The following SSB variants were observed in gnomAD, a reference collection of about 807,000 sequenced individuals.
SSB encodes lupus La protein.
A neutral mutation model predicts 52.9 loss-of-function variants in SSB; 17 were observed. The ratio of observed to expected loss-of-function variants is 0.32; its 90% confidence interval spans 0.22 to 0.48. The LOEUF (loss-of-function observed/expected upper bound fraction) is 0.48, where lower values mean the gene tolerates loss of function less well. Ranked by LOEUF, SSB falls within the 20% of genes least tolerant of loss-of-function variation. The pLI is 0.99. For synonymous variants in SSB, 111 were observed against 152.1 expected (o/e 0.73, Z 1.99); for missense variants, 314 against 463.6 (o/e 0.68, Z 2.96).
chr2:169,808,392 A>T, intron 6 of SSB, 90 bp from the exon 7 acceptor site: 1 of 997,354 alleles, frequency 1.0e-6, no homozygotes, highest in Non-Finnish European at 1.5e-6. Flanking sequence ...TGCAACATTC[A>T]TTGCTGTGCC....
rs1689813879 is a variant in SSB at position 169,805,661 on chromosome 2, T to G, written c.171-4T>G. 6.2e-7 allele frequency: 1 copy of G among 1,613,692 alleles called. No individual in the cohort carries two copies. Among genetic ancestry groups the G allele is most frequent in the South Asian group, 1.1e-5 (1 of 91,026 alleles). On this transcript the variant is annotated splice_polypyrimidine_tract_variant and splice_region_variant and intron_variant, in intron 3 of 11. Coordinates refer to ENST00000260956, the MANE Select transcript of SSB (RefSeq NM_003142.5). The stretch of plus-strand genomic sequence containing the variant: ...AGTCTTATGTTTTTATATGTACTCT[T>G]CAGGTTGAACCGTCTAACAACAGAC...
At position 169,808,554 on chromosome 2, in the gene SSB, G is replaced by A. The variant is rs896399930; in HGVS notation, c.626+1G>A. ...TGGAAGCTAAATTAAGAGCTAAACA[G>A]TAAGTATGTTGAACTAATCACGACA... is the stretch of plus-strand genomic sequence containing the variant. On this transcript the variant is annotated splice_donor_variant, in intron 7 of 11. Coordinates refer to ENST00000260956, the MANE Select transcript of SSB (RefSeq NM_003142.5). LOFTEE classifies it high-confidence loss of function. The A allele has an allele frequency of 1.2e-6, 2 of 1,605,076 alleles. No individual in the cohort carries two copies. Among genetic ancestry groups the A allele is most frequent in the South Asian group, 1.1e-5 (1 of 90,732 alleles).
intron 8 of SSB, among the ~76,000 whole-genome samples, chr2:169,809,693 A>G (rs1302283184): frequency 2.0e-5 from 3 of 151,850 alleles, no homozygotes; most frequent in Non-Finnish European, 4.4e-5. Flanking sequence ...GCTCACTGCA[A>G]GCTCCACCTC....
In SSB at chr2:169,805,813, G is replaced by T. The variant is rs1400085380; in HGVS notation, c.319G>T (p.Asp107Tyr). ...TGAAGTGACTGATGAGTATAAAAAT[G>T]ATGTAAAAAACAGATCTGTTTATAT... ...LPEVTDEYKN[D>Y]VKNRSVYIKG... is the part of the protein sequence containing the mutation. The change falls in exon 4 of 12, where the codon GAT (aspartate) becomes TAT (tyrosine). Residue 107 changes from aspartate to tyrosine, a missense_variant. Coordinates refer to ENST00000260956, the MANE Select transcript of SSB (RefSeq NM_003142.5). 1 of 1,613,216 alleles carries T rather than the reference G, an allele frequency of 6.2e-7. No homozygotes were observed. The highest frequency in any genetic ancestry group is 8.5e-7 in the Non-Finnish European group (1 of 1,179,788).
At position 169,801,035 on chromosome 2, in the gene SSB, C is replaced by T. The variant is rs766691606; in HGVS notation, c.66+9C>T. ...TCTGTCATCAAATTGAGGTATGATT[C>T]CTGTGCTATAAACTGCAAAAACAAG... On this transcript the variant is annotated intron_variant, in intron 2 of 11. Transcript: ENST00000260956. 7.6e-6 allele frequency: 12 copies of T among 1,585,256 alleles called. No individual in the cohort carries two copies. The South Asian group carries it at 9.3e-5, about 12-fold the overall frequency.
chr2:169,799,807 G>T (rs890771378), intron 1 of SSB, among the ~76,000 whole-genome samples: 1 of 152,160 alleles, frequency 6.6e-6, no homozygotes, highest in Non-Finnish European at 1.5e-5. Context: ...TGTGTCAGGG[G>T]ATGCTTCCAG....
chr2:169,810,739 C>T (rs1689932988), intron 9 of SSB, 119 bp from the exon 10 acceptor site: 1 of 991,766 alleles, frequency 1.0e-6, no homozygotes, highest in Non-Finnish European at 1.5e-6. Flanking sequence ...CAGTAAAATT[C>T]ATTCAAACTG....
At chr2:169,805,221 T>A (rs1689805250) in intron 2 of SSB, among the ~76,000 whole-genome samples, 1 of 152,244 alleles carries the variant, frequency 6.6e-6, no homozygotes, top group Non-Finnish European at 1.5e-5. Context: ...CAAGAGCCTT[T>A]TCATATAATC....
chr2:169,801,516 T>G (rs1287004805), intron 2 of SSB, among the ~76,000 whole-genome samples: 4 of 140,444 alleles, frequency 2.8e-5, no homozygotes, highest in African/African-American at 1.1e-4. Context: ...ATAGTTTTTT[T>G]TTTTTTTTTT....
In SSB at chr2:169,808,909, A is replaced by G; in HGVS notation, c.669+7A>G. The G allele has an allele frequency of 6.3e-7, 1 of 1,596,708 alleles. No individual in the cohort carries two copies. Among genetic ancestry groups the G allele is most frequent in the Non-Finnish European group, 8.6e-7 (1 of 1,164,568 alleles). ...AGAAGAAGATGCTGAAATGGTAAGT[A>G]TATATTACTGCTATCTAGTACATCT... On this transcript the variant is annotated splice_region_variant and intron_variant, in intron 8 of 11. Coordinates refer to ENST00000260956, the MANE Select transcript of SSB (RefSeq NM_003142.5).
intron 6 of SSB, among the ~76,000 whole-genome samples, chr2:169,808,247 T>G (rs888108682): frequency 6.6e-6 from 1 of 152,214 alleles, no homozygotes; most frequent in Non-Finnish European, 1.5e-5. Flanking sequence ...ACATTCAAGG[T>G]ACACTTTAAA....
chr2:169,804,462 G>A (rs1689781737), intron 2 of SSB, among the ~76,000 whole-genome samples: 1 of 150,964 alleles, frequency 6.6e-6, no homozygotes, highest in African/African-American at 2.4e-5. Context: ...TGTTGCCCAG[G>A]CTGGTCTTGA....
chr2:169,807,206 T>C lies in SSB; in HGVS notation c.554+135T>C, dbSNP rs1021766760. On this transcript the variant is annotated intron_variant, in intron 6 of 11. Coordinates refer to ENST00000260956, the MANE Select transcript of SSB (RefSeq NM_003142.5). ...TAGATGACCTTTGAGAAATGCTTGA[T>C]ATTTGTTCAGTGAGAACTATAGTCT... The C allele has an allele frequency of 3.1e-5, 21 of 682,592 alleles. No individual in the cohort carries two copies. In the African/African-American group the frequency reaches 3.8e-4, roughly 12 times the overall value. The allele number at this position is 682,592 out of a possible 1,614,324, so 42.3% of individuals were successfully genotyped here.
At position 169,811,047 on chromosome 2, in the gene SSB, C is replaced by T. The variant is rs1015980583; in HGVS notation, c.997+3C>T. The T allele has an allele frequency of 1.9e-6, 3 of 1,606,010 alleles. No individual in the cohort carries two copies. The African/African-American group carries it at 4.0e-5, about 22-fold the overall frequency. Reference sequence around the variant, plus strand: ...CCTAAACAAATGGAAGTCAAAAGGTCATTTATTCTGATTTTTCTTTAACAG... The same window carrying T: ...CCTAAACAAATGGAAGTCAAAAGGTTATTTATTCTGATTTTTCTTTAACAG... On this transcript the variant is annotated splice_donor_region_variant and intron_variant, in intron 10 of 11. Coordinates refer to ENST00000260956, the MANE Select transcript of SSB (RefSeq NM_003142.5).
chr2:169,803,542 G>A (rs554125466), intron 2 of SSB, among the ~76,000 whole-genome samples: 1 of 152,152 alleles, frequency 6.6e-6, no homozygotes, highest in South Asian at 2.1e-4. Flanking sequence ...GAGCTATTGC[G>A]CTTGGCCTAT....
chr2:169,810,233 TCTGTTGTTG>T, intron 8 of SSB, 41 bp from the exon 9 acceptor site: 1 of 1,454,036 alleles, frequency 6.9e-7, no homozygotes, highest in South Asian at 1.3e-5. Flanking sequence ...TCATTTCTGG[TCTGTTGTTG>T]CTTTTAAGAA....
chr2:169,802,177 CTG>C (rs1168212718), intron 2 of SSB, among the ~76,000 whole-genome samples: 1 of 152,108 alleles, frequency 6.6e-6, no homozygotes, highest in Non-Finnish European at 1.5e-5. Flanking sequence ...GAGCGAGACA[CTG>C]TTTCAGGGGG....
intron 2 of SSB, among the ~76,000 whole-genome samples, chr2:169,804,887 C>T (rs758540053): frequency 5.9e-5 from 9 of 152,094 alleles, no homozygotes; most frequent in Non-Finnish European, 1.3e-4. Flanking sequence ...CCTGCAATCC[C>T]AGCACTTTGG....
At chr2:169,805,962 C>T in intron 4 of SSB, 123 bp downstream of exon 4, 1 of 1,024,626 alleles carries the variant, frequency 9.8e-7, no homozygotes, top group Admixed American at 2.2e-5. Context: ...ATATTCTTAA[C>T]CTAAGTTTCT....
Sources: gnomAD v4.1 joint callset for allele counts (sites outside exome capture counted in the v4.1 genomes callset) on GRCh38, gnomAD v4.1.1 for gene constraint, MANE v1.5 for transcripts, NCBI Gene and HGNC (gene_info 2026-07-23, HGNC 2026-07-21) for gene names.